Variants in LMF1 observed in about 807,000 individuals in gnomAD.
The protein encoded by LMF1 is transmembrane protein 112.
A neutral mutation model predicts 60.6 loss-of-function variants in LMF1; 68 were observed. That is an observed-to-expected ratio of 1.12 (90% CI 0.92 to 1.37). The LOEUF is 1.37. LMF1 is among the 40% of genes most tolerant of loss of function. LMF1 has a pLI of 0.00. For missense variants in LMF1, 948 were observed against 767.2 expected, an observed-to-expected ratio of 1.24 and a Z score of -2.78; for synonymous variants, 418 against 324.7, an observed-to-expected ratio of 1.29 and a Z score of -3.09.
chr16:858,456 A>T (rs370215447), intron 10 of LMF1, among the ~76,000 whole-genome samples: 8 of 8,872 alleles, frequency 9.0e-4, no homozygotes, highest in African/African-American at 1.6e-3. Flanking sequence ...GTGAGTGGTG[A>T]CTCGGGACGG....
At chr16:969,095 G>C (rs1338996117) in intron 1 of LMF1, 1 of 152,212 alleles carries the variant, frequency 6.6e-6, no homozygotes, top group Admixed American at 6.5e-5. Flanking sequence ...GGGAGGCCCT[G>C]AGGTCAGAAG....
exon 1 of LMF1, chr16:981,279 G>A (rs774897860): frequency 2.5e-5 from 11 of 441,934 alleles, no homozygotes; most frequent in South Asian, 1.7e-4. Context: ...GGCGCGAGAC[G>A]GGCTGTGTGT....
chr16:893,996 A>G (rs62013778), intron 4 of LMF1, among the ~76,000 whole-genome samples: 62,269 of 145,820 alleles, frequency 0.43, 15,585 homozygotes, highest in African/African-American at 0.68. Context: ...TGTCCACCCC[A>G]CTGTCCACCC....
rs73497216 is a variant in LMF1, at chr16:876,185, C to T, written c.897+3385G>A. Among the ~76,000 whole-genome samples, 1,481 of 152,362 alleles carry T rather than the reference C, an allele frequency of 9.7e-3. 29 individuals are homozygous for T. Among genetic ancestry groups the T allele is most frequent in the African/African-American group, 0.034 (1,415 of 41,576 alleles). On this transcript the variant is annotated intron_variant, in intron 6 of 10. Transcript: ENST00000262301. ...GTGCGGACCACGGGCGTCTCGGAAC[C>T]GAAGAGAAACAAGCAGTGGAGCCTG...
chr16:861,515 A>G (rs1301306945), intron 10 of LMF1, among the ~76,000 whole-genome samples: 3 of 151,390 alleles, frequency 2.0e-5, no homozygotes, highest in African/African-American at 7.3e-5. Flanking sequence ...GCGTCACCAC[A>G]CCTGGCTAAT....
chr16:912,528 T>C (rs2071151697), intron 3 of LMF1, among the ~76,000 whole-genome samples: 1 of 152,226 alleles, frequency 6.6e-6, no homozygotes, highest in South Asian at 2.1e-4. Flanking sequence ...AATAAGCAGA[T>C]CGGCGTGAGT....
At chr16:879,810 C>T (rs2070111460) in intron 5 of LMF1, 73 bp from the exon 6 acceptor site, 3 of 1,432,384 alleles carry the variant, frequency 2.1e-6, no homozygotes, top group South Asian at 1.3e-5. Context: ...GCTTGTGGGT[C>T]CCTGGCCCCC....
intron 3 of LMF1, among the ~76,000 whole-genome samples, chr16:916,106 G>A (rs759728264): frequency 3.0e-4 from 46 of 152,204 alleles, no homozygotes; most frequent in Non-Finnish European, 1.9e-4. Flanking sequence ...AGGAAGAAAC[G>A]TGATTTAACA....
chr16:877,168 C>T (rs903171820), intron 6 of LMF1, among the ~76,000 whole-genome samples: 1 of 152,136 alleles, frequency 6.6e-6, no homozygotes, highest in African/African-American at 2.4e-5. Flanking sequence ...CCCAGCTCTA[C>T]AAAAAATGAA....
At chr16:854,763 G>A in intron 10 of LMF1, 57 bp from the exon 11 acceptor site, 1 of 1,471,656 alleles carries the variant, frequency 6.8e-7, no homozygotes, top group Non-Finnish European at 9.2e-7. Context: ...CCCCGACCCG[G>A]CTCCTCAGCC....
chr16:932,905 T>C (rs2071833318), intron 3 of LMF1, among the ~76,000 whole-genome samples: 1 of 151,302 alleles, frequency 6.6e-6, no homozygotes, highest in Admixed American at 6.6e-5. Context: ...GCGTGAGCAC[T>C]CTAGGGGAGG....
At chr16:875,270 C>T (rs1308155577) in intron 6 of LMF1, among the ~76,000 whole-genome samples, 1 of 152,064 alleles carries the variant, frequency 6.6e-6, no homozygotes, top group African/African-American at 2.4e-5. Flanking sequence ...AGGCAGCGGA[C>T]TCCAAAACGG....
chr16:898,303 GCAC>G (rs57381575), intron 4 of LMF1, among the ~76,000 whole-genome samples: 56,856 of 151,928 alleles, frequency 0.37, 11,901 homozygotes, highest in African/African-American at 0.54. Flanking sequence ...TCCTCCCCAA[GCAC>G]CTGGAAAAGG....
intron 1 of LMF1, among the ~76,000 whole-genome samples, chr16:963,882 A>G (rs1033056037): frequency 2.0e-5 from 3 of 152,314 alleles, no homozygotes; most frequent in African/African-American, 7.2e-5. Flanking sequence ...CTCATGTTAT[A>G]AAAATAGCTA....
chr16:924,496 TG>T (rs1441268984), intron 3 of LMF1, among the ~76,000 whole-genome samples: 3 of 152,194 alleles, frequency 2.0e-5, no homozygotes, highest in South Asian at 2.1e-4. Context: ...AAAGGCCACC[TG>T]TAAAACCCTG....
chr16:954,107 A>G, intron 2 of LMF1: 1 of 607,344 alleles, frequency 1.6e-6, no homozygotes. Context: ...TGGCTCCAGT[A>G]AGCTGGCAAC....
At chr16:886,925 G>A (rs565805475) in intron 5 of LMF1, 2 of 145,872 alleles carry the variant, frequency 1.4e-5, no homozygotes, top group Middle Eastern at 3.5e-3. Context: ...CCAGCCCCCA[G>A]CACACAGAGA....
chr16:861,108 C>T (rs1014337737), intron 10 of LMF1, among the ~76,000 whole-genome samples: 4 of 152,196 alleles, frequency 2.6e-5, no homozygotes, highest in Admixed American at 6.5e-5. Context: ...CCCACGAACG[C>T]GGCCGTGTCT....
intron 3 of LMF1, among the ~76,000 whole-genome samples, chr16:913,643 G>A (rs2071185432): frequency 6.6e-6 from 1 of 152,232 alleles, no homozygotes; most frequent in African/African-American, 2.4e-5. Flanking sequence ...CCCAAGGCAG[G>A]AGCCTGTGGC....
Sources: gnomAD v4.1 joint callset for allele counts (sites outside exome capture counted in the v4.1 genomes callset) on GRCh38, gnomAD v4.1.1 for gene constraint, MANE v1.5 for transcripts, NCBI Gene and HGNC (gene_info 2026-07-23, HGNC 2026-07-21) for gene names.